The following UBE3D variants were observed in gnomAD, a reference collection of about 807,000 sequenced individuals.
The protein encoded by UBE3D is E3 ubiquitin-protein ligase E3D.
In UBE3D, 48 loss-of-function variants were observed where a neutral mutation model predicts 49.6. The ratio of observed to expected loss-of-function variants is 0.97; its 90% CI spans 0.77 to 1.23. UBE3D has a LOEUF of 1.23. UBE3D is among the 50% of genes most tolerant of loss of function. The probability of loss-of-function intolerance (pLI) is 0.00; values close to 1 mark genes in which losing one functional copy is unlikely to be tolerated. For synonymous variants in UBE3D, 189 were observed against 174.2 expected (o/e 1.08, Z -0.67); for missense variants, 452 against 468.4 (o/e 0.96, Z 0.32).
intron 8 of UBE3D, among the ~76,000 whole-genome samples, chr6:83,000,800 C>G (rs906652014): frequency 1.4e-4 from 21 of 152,022 alleles, no homozygotes; most frequent in African/African-American, 5.1e-4. Context: ...AAGCTCTTCA[C>G]AGTAAACTCC....
chr6:82,890,161 C>T (rs1172722054), downstream of UBE3D, among the ~76,000 whole-genome samples: 1 of 152,058 alleles, frequency 6.6e-6, no homozygotes, highest in Non-Finnish European at 1.5e-5. Context: ...CAGCCTGCTT[C>T]AATTCTGTGT....
intron 8 of UBE3D, among the ~76,000 whole-genome samples, chr6:83,016,648 CATAT>C (rs1288890104): frequency 6.6e-6 from 1 of 151,022 alleles, no homozygotes; most frequent in African/African-American, 2.4e-5. Flanking sequence ...TATAAATCTT[CATAT>C]ATATAAAGCC....
At chr6:83,002,931 C>A (rs73481032) in intron 8 of UBE3D, among the ~76,000 whole-genome samples, 2,635 of 152,248 alleles carry the variant, frequency 0.017, 93 homozygotes, top group African/African-American at 0.061. Context: ...CAGACTAAGA[C>A]ATTAGCATTT....
intron 9 of UBE3D, among the ~76,000 whole-genome samples, chr6:82,926,330 T>C (rs765974279): frequency 3.9e-5 from 6 of 152,150 alleles, no homozygotes; most frequent in Non-Finnish European, 7.4e-5. Context: ...AATATTCCAT[T>C]GTCTGTATGT....
At chr6:83,018,508 G>A (rs1186459236) in intron 8 of UBE3D, 1 of 158,586 alleles carries the variant, frequency 6.3e-6, no homozygotes, top group South Asian at 1.9e-4. Context: ...ACAGGTTGTT[G>A]TTAGGCTTAA....
At chr6:83,030,438 C>T (rs1781785517) in intron 5 of UBE3D, among the ~76,000 whole-genome samples, 2 of 152,160 alleles carry the variant, frequency 1.3e-5, no homozygotes, top group African/African-American at 4.8e-5. Context: ...TTGCCTGCTA[C>T]CCTGTAAGAC....
At chr6:82,907,453 G>T (rs1215876791) in intron 9 of UBE3D, among the ~76,000 whole-genome samples, 1 of 152,138 alleles carries the variant, frequency 6.6e-6, no homozygotes, top group African/African-American at 2.4e-5. Context: ...ATGGCCAAAG[G>T]TTTCTCAGTC....
chr6:83,033,596 C>G (rs188969975), intron 5 of UBE3D, among the ~76,000 whole-genome samples: 2 of 152,090 alleles, frequency 1.3e-5, no homozygotes, highest in African/African-American at 4.8e-5. Flanking sequence ...GTGTGTAGCA[C>G]CTCCCTTCAT....
At position 82,953,665 on chromosome 6, in the gene UBE3D, T is replaced by A. The variant is rs923069877; in HGVS notation, c.1149+3647A>T. On this transcript the variant is annotated intron_variant, in intron 9 of 9. Transcript: ENST00000369747. ...CATCCAATATTTATTAACTTCTTCCTACATCCAGGCACTATACTAAGTTCT... is the reference window on the plus strand; with the variant it reads ...CATCCAATATTTATTAACTTCTTCCAACATCCAGGCACTATACTAAGTTCT... Among the ~76,000 whole-genome samples the A allele has an allele frequency of 2.6e-5, 4 of 152,230 alleles. No individual in the cohort carries two copies. The East Asian group carries it at 5.8e-4, about 22-fold the overall frequency.
chr6:82,899,670 G>T (rs1393243358), intron 9 of UBE3D, among the ~76,000 whole-genome samples: 2 of 152,204 alleles, frequency 1.3e-5, no homozygotes, highest in African/African-American at 4.8e-5. Context: ...CACTATAGCA[G>T]TTACTGGATC....
chr6:83,019,084 T>G lies in UBE3D; in HGVS notation c.899A>C (p.Lys300Thr), dbSNP rs1459231442. The change falls in exon 8 of 10, where the codon AAA (lysine) becomes ACA (threonine). Residue 300 changes from lysine (K) to threonine (T), a missense_variant. Transcript: ENST00000369747. ...CAACAAGGGGAATTTTTTGATATAT[T>G]TGGAATTTCTCAAAGATTCAATCAC... ...SLVIESLRNS[K>T]YIKKFPLLEN... 8 of 1,613,792 alleles carry G rather than the reference T, an allele frequency of 5.0e-6. No individual in the cohort carries two copies. The African/African-American group carries it at 9.3e-5, about 19-fold the overall frequency.
intron 9 of UBE3D, among the ~76,000 whole-genome samples, chr6:82,957,004 C>T (rs573620625): frequency 6.6e-6 from 1 of 152,110 alleles, no homozygotes; most frequent in South Asian, 2.1e-4. Context: ...TGGCATGCAC[C>T]TGTAGTCCCA....
chr6:82,885,139 A>T, the UBE3D span, among the ~76,000 whole-genome samples: 1 of 150,982 alleles, frequency 6.6e-6, no homozygotes, highest in Non-Finnish European at 1.5e-5. Flanking sequence ...AATGGCCTTC[A>T]CAAATAATTA....
chr6:83,024,595 G>T (rs765773943), intron 5 of UBE3D, among the ~76,000 whole-genome samples: 1 of 152,058 alleles, frequency 6.6e-6, no homozygotes, highest in Admixed American at 6.6e-5. Flanking sequence ...AGCATTCAGG[G>T]ATCCACTGGA....
intron 9 of UBE3D, among the ~76,000 whole-genome samples, chr6:82,926,705 T>C (rs1240985535): frequency 2.0e-5 from 3 of 152,168 alleles, no homozygotes; most frequent in African/African-American, 4.8e-5. Context: ...TATCTTTTCA[T>C]ATGTTTATTT....
chr6:83,019,997 C>T (rs767730901), intron 7 of UBE3D, among the ~76,000 whole-genome samples: 63 of 152,334 alleles, frequency 4.1e-4, no homozygotes, highest in Middle Eastern at 3.4e-3. Context: ...TATCAGCCAA[C>T]GCTGTCAGCA....
chr6:83,017,462 C>T (rs1780774083), intron 8 of UBE3D: 1 of 151,668 alleles, frequency 6.6e-6, no homozygotes. Flanking sequence ...CATAAGGGCA[C>T]ACACACAAAA....
chr6:82,950,780 C>G (rs1775733063), intron 9 of UBE3D, among the ~76,000 whole-genome samples: 1 of 152,098 alleles, frequency 6.6e-6, no homozygotes, highest in African/African-American at 2.4e-5. Flanking sequence ...CCATAAAACT[C>G]AATGAGATCT....
intron 9 of UBE3D, among the ~76,000 whole-genome samples, chr6:82,922,504 G>C (rs758890491): frequency 1.2e-4 from 19 of 152,104 alleles, no homozygotes; most frequent in Non-Finnish European, 1.5e-5. Flanking sequence ...TTTAATAAAT[G>C]GTCTTGGGAA....
Sources: allele counts gnomAD v4.1 joint callset (sites outside exome capture counted in the v4.1 genomes callset), GRCh38; gene constraint gnomAD v4.1.1; transcripts MANE v1.5; gene names NCBI Gene and HGNC (gene_info 2026-07-23, HGNC 2026-07-21).